Variants in ANKRD31 observed in about 807,000 individuals in gnomAD.
ANKRD31 encodes the protein ankyrin repeat domain-containing protein 31.
In ANKRD31, 147 loss-of-function variants were observed where a neutral mutation model predicts 186.0. That is an observed-to-expected ratio of 0.79 (90% confidence interval 0.69 to 0.91). The LOEUF (loss-of-function observed/expected upper bound fraction) is 0.91. ANKRD31 is among the 40% of genes least tolerant of loss of function. ANKRD31 has a pLI of 0.00. For missense variants in ANKRD31, 1,986 were observed against 2,148.8 expected (o/e 0.92, Z 1.50); for synonymous variants, 673 against 736.4 (o/e 0.91, Z 1.39).
intron 25 of ANKRD31, among the ~76,000 whole-genome samples, chr5:75,071,881 A>G (rs958323465): frequency 2.6e-5 from 4 of 152,342 alleles, no homozygotes; most frequent in African/African-American, 9.6e-5. Context: ...GGCAGTTCCT[A>G]GACGTGGTGC....
intron 17 of ANKRD31, among the ~76,000 whole-genome samples, chr5:75,119,879 C>T (rs1748614477): frequency 3.3e-5 from 5 of 151,862 alleles, no homozygotes; most frequent in Admixed American, 3.3e-4. Context: ...TGTTTGTTGG[C>T]CACTTGTATA....
rs535413201 is a variant in ANKRD31, at chr5:75,233,595, G to A, written c.105-2960C>T. 1.4e-4 allele frequency among the ~76,000 whole-genome samples: 22 copies of A among 151,878 alleles called. No individual in the cohort carries two copies. The South Asian group carries it at 2.9e-3, about 20-fold the overall frequency. ...TATGTTAATATTCTAATATGTAAAC[G>A]TAAAAATTTAACATTATGCCAATAA... is the stretch of plus-strand genomic sequence containing the variant. On this transcript the variant is annotated intron_variant, in intron 1 of 25. Transcript: ENST00000506364.
chr5:75,163,035 C>T (rs1580459635), intron 11 of ANKRD31, among the ~76,000 whole-genome samples: 1 of 152,114 alleles, frequency 6.6e-6, no homozygotes, highest in East Asian at 1.9e-4. Context: ...ATCTAATATA[C>T]TTACAATATT....
At chr5:75,179,350 T>C (rs1028668944) in intron 10 of ANKRD31, among the ~76,000 whole-genome samples, 9 of 152,050 alleles carry the variant, frequency 5.9e-5, no homozygotes, top group East Asian at 3.9e-4. Flanking sequence ...TTCCAATCAA[T>C]AGAAAAAGAG....
At chr5:75,223,488 C>G (rs926904153) in intron 2 of ANKRD31, among the ~76,000 whole-genome samples, 2 of 151,744 alleles carry the variant, frequency 1.3e-5, no homozygotes, top group Non-Finnish European at 2.9e-5. Flanking sequence ...TTTTTGTTTC[C>G]AAAATGGCAA....
chr5:75,134,220 C>A (rs879242448), intron 17 of ANKRD31, among the ~76,000 whole-genome samples: 8 of 151,958 alleles, frequency 5.3e-5, no homozygotes, highest in African/African-American at 1.9e-4. Context: ...ATTAATGAAT[C>A]CAGGAGCTGG....
intron 17 of ANKRD31, among the ~76,000 whole-genome samples, chr5:75,121,925 C>T (rs1223802622): frequency 1.3e-5 from 2 of 151,822 alleles, no homozygotes; most frequent in African/African-American, 4.8e-5. Context: ...AAAACCAAAC[C>T]CAAAGCTAGC....
chr5:75,112,412 C>A, intron 20 of ANKRD31, 101 bp downstream of exon 20: 1 of 705,134 alleles, frequency 1.4e-6, no homozygotes, highest in Non-Finnish European at 2.2e-6. Flanking sequence ...AAATAGAACA[C>A]CACTTTTTCA....
At chr5:75,133,911 G>C (rs6626310) in intron 17 of ANKRD31, among the ~76,000 whole-genome samples, 1 of 152,128 alleles carries the variant, frequency 6.6e-6, no homozygotes, top group Non-Finnish European at 1.5e-5. Flanking sequence ...GCTCCTGAAT[G>C]ACTACTGGGT....
chr5:75,220,561 G>A (rs1022294123), intron 3 of ANKRD31, among the ~76,000 whole-genome samples: 2 of 151,658 alleles, frequency 1.3e-5, no homozygotes, highest in African/African-American at 4.8e-5. Context: ...AGAATCACTT[G>A]AACCTGGGAG....
chr5:75,083,639 A>G lies in ANKRD31; in HGVS notation c.5575+633T>C, dbSNP rs528074024. ...CAGCTACTCGGGAGGCTGAGGCAGA[A>G]GAATCACTTGAACCCAGGAGGCAGA... is the stretch of plus-strand genomic sequence containing the variant. On this transcript the variant is annotated intron_variant, in intron 24 of 25. Coordinates refer to ENST00000506364, the MANE Select transcript of ANKRD31 (RefSeq NM_001372053.1). Among the ~76,000 whole-genome samples the G allele has an allele frequency of 2.0e-5, 3 of 152,236 alleles. No individual in the cohort carries two copies. In the South Asian group the frequency reaches 6.2e-4, roughly 32 times the overall value.
intron 10 of ANKRD31, among the ~76,000 whole-genome samples, chr5:75,170,491 A>G (rs981779678): frequency 6.6e-6 from 1 of 152,182 alleles, no homozygotes; most frequent in Non-Finnish European, 1.5e-5. Context: ...TGTTTACAAG[A>G]AACATAGTTT....
intron 21 of ANKRD31, 31 bp from the exon 22 acceptor site, chr5:75,105,249 C>A: frequency 6.9e-7 from 1 of 1,442,936 alleles, no homozygotes. Context: ...AGAAAAAATG[C>A]AATAACAGCA....
At chr5:75,141,230 G>A (rs1168012536) in intron 15 of ANKRD31, among the ~76,000 whole-genome samples, 1 of 152,128 alleles carries the variant, frequency 6.6e-6, no homozygotes, top group Non-Finnish European at 1.5e-5. Context: ...ATGAATCACA[G>A]GGAAGAATAA....
chr5:75,236,706 T>C lies in ANKRD31; in HGVS notation c.-20A>G, dbSNP rs1245436549. ...CTCCATCTTTGCCTCACATTCAAAG[T>C]CTTTTTTACCCTCCTCTAACTCCCT... On this transcript the variant is annotated 5_prime_UTR_variant, in exon 1 of 26. Coordinates refer to ENST00000506364, the MANE Select transcript of ANKRD31 (RefSeq NM_001372053.1). 1.3e-6 allele frequency: 2 copies of C among 1,530,720 alleles called. No homozygotes were observed. The highest frequency in any genetic ancestry group is 1.8e-6 in the Non-Finnish European group (2 of 1,142,100). 94.8% of individuals were successfully genotyped at this position (1,530,720 alleles called of 1,614,324 possible).
intron 10 of ANKRD31, among the ~76,000 whole-genome samples, chr5:75,181,968 T>C (rs1754343366): frequency 6.6e-6 from 1 of 152,022 alleles, no homozygotes; most frequent in South Asian, 2.1e-4. Context: ...AAACACACTG[T>C]TGTCTATAAT....
chr5:75,121,425 C>T (rs1301040505), intron 17 of ANKRD31, among the ~76,000 whole-genome samples: 1 of 152,054 alleles, frequency 6.6e-6, no homozygotes, highest in African/African-American at 2.4e-5. Flanking sequence ...AAGAAAGAAA[C>T]ACAGGAGTTA....
intron 5 of ANKRD31, 26 bp from the exon 6 acceptor site, chr5:75,199,700 T>C: frequency 6.6e-7 from 1 of 1,525,944 alleles, no homozygotes; most frequent in Non-Finnish European, 8.8e-7. Flanking sequence ...GTGTTTTCAT[T>C]CCAGTTTTAT....
At chr5:75,177,305 C>A (rs1320932790) in intron 10 of ANKRD31, among the ~76,000 whole-genome samples, 1 of 152,172 alleles carries the variant, frequency 6.6e-6, no homozygotes. Flanking sequence ...TTGGAAAACA[C>A]TCTGCAGGAT....
Sources: allele counts gnomAD v4.1 joint callset (sites outside exome capture counted in the v4.1 genomes callset), GRCh38; gene constraint gnomAD v4.1.1; transcripts MANE v1.5; gene names NCBI Gene and HGNC (gene_info 2026-07-23, HGNC 2026-07-21).